SHLD2: variants seen among roughly 807,000 people sequenced by gnomAD.
SHLD2 encodes shieldin complex subunit 2.
Under a neutral mutation model 73.2 loss-of-function variants are expected in SHLD2, and 30 were observed. The observed-to-expected ratio is 0.41, with a 90% CI of 0.31 to 0.56. The LOEUF (loss-of-function observed/expected upper bound fraction) is 0.56. SHLD2 is among the 20% of genes least tolerant of loss of function. The probability of loss-of-function intolerance (pLI) is 0.28; values close to 1 mark genes in which losing one functional copy is unlikely to be tolerated. For synonymous variants in SHLD2, 285 were observed against 370.1 expected (o/e 0.77, Z 2.64); for missense variants, 745 against 1,055.9 (o/e 0.71, Z 4.08).
At chr10:87,166,797 C>T (rs1210271947) in intron 4 of SHLD2, among the ~76,000 whole-genome samples, 1 of 152,180 alleles carries the variant, frequency 6.6e-6, no homozygotes, top group East Asian at 1.9e-4. Flanking sequence ...ATAATTTGCC[C>T]TATCAGCTAT....
At chr10:87,132,694 A>G (rs1344176272) in intron 2 of SHLD2, among the ~76,000 whole-genome samples, 2 of 152,118 alleles carry the variant, frequency 1.3e-5, no homozygotes, top group Non-Finnish European at 2.9e-5. Context: ...GGATAGCTTG[A>G]GCCCAGGAGG....
At chr10:87,186,047 G>C (rs1848600449) in intron 8 of SHLD2, among the ~76,000 whole-genome samples, 1 of 152,100 alleles carries the variant, frequency 6.6e-6, no homozygotes, top group Non-Finnish European at 1.5e-5. Context: ...CGTTCCTTGA[G>C]TGACGGAACC....
chr10:87,183,718 A>G (rs1848448263), intron 8 of SHLD2, among the ~76,000 whole-genome samples: 1 of 152,116 alleles, frequency 6.6e-6, no homozygotes. Context: ...TACACTTTTG[A>G]TGTTGCCTGA....
At chr10:87,146,925 G>C (rs1419586369) in intron 2 of SHLD2, among the ~76,000 whole-genome samples, 2 of 151,636 alleles carry the variant, frequency 1.3e-5, no homozygotes, top group South Asian at 2.1e-4. Context: ...GCATGGTGGT[G>C]CATGCCTGTA....
intron 2 of SHLD2, among the ~76,000 whole-genome samples, chr10:87,107,172 GGAGGCT>G (rs1318692600): frequency 2.0e-5 from 3 of 151,824 alleles, no homozygotes; most frequent in Admixed American, 6.6e-5. Context: ...CAGCACTTTG[GGAGGCT>G]GAGGCAGGTG....
chr10:87,110,622 AAG>A (rs1418223522), intron 2 of SHLD2, among the ~76,000 whole-genome samples: 1 of 151,686 alleles, frequency 6.6e-6, no homozygotes. Flanking sequence ...AAAAAAAAAA[AAG>A]CTCTCTTTTC....
chr10:87,107,788 G>A (rs553015074), intron 2 of SHLD2, among the ~76,000 whole-genome samples: 51 of 152,266 alleles, frequency 3.3e-4, no homozygotes, highest in African/African-American at 1.1e-3. Context: ...TGGAAGTATA[G>A]TAGGCATAAA....
chr10:87,126,545 G>A (rs1431592324), intron 2 of SHLD2, among the ~76,000 whole-genome samples: 1 of 152,098 alleles, frequency 6.6e-6, no homozygotes, highest in Non-Finnish European at 1.5e-5. Context: ...CAGGTAAAAT[G>A]TTGATGGCTG....
chr10:87,161,738 A>G (rs1191834694), intron 4 of SHLD2, among the ~76,000 whole-genome samples: 1 of 152,234 alleles, frequency 6.6e-6, no homozygotes. Flanking sequence ...GAAAATATAT[A>G]TGTTATGGCA....
intron 4 of SHLD2, among the ~76,000 whole-genome samples, chr10:87,168,637 A>G (rs1847374001): frequency 6.6e-6 from 1 of 151,922 alleles, no homozygotes; most frequent in South Asian, 2.1e-4. Context: ...TTGCAGCAAC[A>G]CAGATGCAGT....
At chr10:87,166,516 G>C (rs2134503424) in intron 4 of SHLD2, among the ~76,000 whole-genome samples, 1 of 152,284 alleles carries the variant, frequency 6.6e-6, no homozygotes, top group South Asian at 2.1e-4. Context: ...TCATTGATTG[G>C]AAGATTTAAC....
chr10:87,121,762 C>CTTTTTTT (rs571649405), intron 2 of SHLD2, among the ~76,000 whole-genome samples: 2 of 130,992 alleles, frequency 1.5e-5, no homozygotes. Flanking sequence ...TTCTTTCTTT[C>CTTTTTTT]TTTTTTTTTT....
chr10:87,164,758 C>T (rs1847080749), intron 4 of SHLD2, among the ~76,000 whole-genome samples: 1 of 151,978 alleles, frequency 6.6e-6, no homozygotes, highest in African/African-American at 2.4e-5. Context: ...TGGATTAGAA[C>T]CCATAGATTA....
chr10:87,175,812 A>G (rs1005478580), intron 6 of SHLD2, 77 bp from the exon 7 acceptor site: 245 of 1,413,396 alleles, frequency 1.7e-4, no homozygotes, highest in Non-Finnish European at 2.0e-4. Flanking sequence ...ACTTAATCAG[A>G]TCAATCTATT....
chr10:87,118,187 G>A (rs1183028273), intron 2 of SHLD2, among the ~76,000 whole-genome samples: 4 of 152,142 alleles, frequency 2.6e-5, no homozygotes, highest in Admixed American at 2.6e-4. Flanking sequence ...GCTCCATAGG[G>A]TTCTCAAGCC....
At chr10:87,186,185 G>A (rs1191268786) in intron 8 of SHLD2, among the ~76,000 whole-genome samples, 1 of 152,168 alleles carries the variant, frequency 6.6e-6, no homozygotes, top group Non-Finnish European at 1.5e-5. Context: ...AGTGAAAAGA[G>A]GAAGGAACAT....
intron 9 of SHLD2, among the ~76,000 whole-genome samples, chr10:87,189,782 A>G (rs1303185571): frequency 6.6e-6 from 1 of 152,042 alleles, no homozygotes; most frequent in East Asian, 1.9e-4. Context: ...ATTTAGCTAT[A>G]CTTTTAGTAT....
At chr10:87,100,456 T>G (rs1842190656) in intron 2 of SHLD2, among the ~76,000 whole-genome samples, 1 of 151,980 alleles carries the variant, frequency 6.6e-6, no homozygotes, top group South Asian at 2.1e-4. Context: ...CTTATATCAG[T>G]ATACATTGTC....
upstream of SHLD2, chr10:87,094,865 C>T (rs1841693564): frequency 1.1e-6 from 1 of 950,928 alleles, no homozygotes; most frequent in Non-Finnish European, 1.5e-6. The surrounding 1 kb of genome is among the most constrained non-coding windows in gnomAD (Gnocchi z 6.6). Flanking sequence ...CGCGGGTTGC[C>T]CTTTTAAGCC....
Sources: gnomAD v4.1 joint callset for allele counts (sites outside exome capture counted in the v4.1 genomes callset) on GRCh38, gnomAD v4.1.1 for gene constraint, Gnocchi (gnomAD v3.1) non-coding constraint, MANE v1.5 for transcripts, NCBI Gene and HGNC (gene_info 2026-07-23, HGNC 2026-07-21) for gene names.